Variants in TEX11 observed in about 807,000 individuals in gnomAD.
TEX11 encodes the protein testis expressed 11.
TEX11 carries 7 observed loss-of-function variants against 84.4 expected under a neutral mutation model. The observed-to-expected ratio is 0.08, with a 90% CI of 0.05 to 0.16. The LOEUF (loss-of-function observed/expected upper bound fraction) is 0.16. TEX11 is among the 10% of genes least tolerant of loss of function. TEX11 has a pLI of 1.00. For missense variants in TEX11, 551 were observed against 660.5 expected, an observed-to-expected ratio of 0.83 and a Z score of 1.82; for synonymous variants, 264 against 222.8, an observed-to-expected ratio of 1.18 and a Z score of -1.64.
chrX:70,757,204 T>C (rs1450012768), intron 9 of TEX11, among the ~76,000 whole-genome samples: 2 of 111,548 alleles, frequency 1.8e-5, no homozygotes, highest in Non-Finnish European at 3.8e-5. Flanking sequence ...CTTCAGGATA[T>C]TATCCAGGAG....
chrX:70,851,846 C>T (rs910327235), intron 7 of TEX11, among the ~76,000 whole-genome samples: 2 of 111,442 alleles, frequency 1.8e-5, no homozygotes, highest in African/African-American at 6.5e-5. Context: ...ACCCTGAAAA[C>T]AATTATGCTA....
At chrX:70,712,193 C>T (rs1438124350) in intron 13 of TEX11, among the ~76,000 whole-genome samples, 1 of 111,326 alleles carries the variant, frequency 9.0e-6, no homozygotes, top group African/African-American at 3.3e-5. Flanking sequence ...GTTACTGTAG[C>T]CTTGTAGTAT....
intron 4 of TEX11, 63 bp from the exon 5 acceptor site, chrX:70,860,999 A>C: frequency 1.3e-6 from 1 of 755,809 alleles, no homozygotes; most frequent in Non-Finnish European, 1.9e-6. Flanking sequence ...ATATACACCA[A>C]AGAGAAAAGA....
intron 24 of TEX11, among the ~76,000 whole-genome samples, chrX:70,599,835 C>A (rs1409715291): frequency 9.3e-6 from 1 of 107,700 alleles, no homozygotes; most frequent in South Asian, 4.3e-4. Context: ...CATGTCCCTA[C>A]AAAGGACATG....
chrX:70,680,207 G>A (rs866463772), intron 14 of TEX11, among the ~76,000 whole-genome samples: 14 of 90,318 alleles, frequency 1.6e-4, no homozygotes, highest in African/African-American at 5.4e-4. Flanking sequence ...AGAGGTAGAC[G>A]TGGGAGACTT....
At position 70,759,968 on chromosome X, in the gene TEX11, G is replaced by T. The variant is rs773983330; in HGVS notation, c.693-15749C>A. On this transcript the variant is annotated intron_variant, in intron 9 of 29. Coordinates refer to ENST00000374333, the MANE Select transcript of TEX11 (RefSeq NM_031276.3). ...AATCACAAGCATTCTTATACACCAAGTACAGACAAACAGAGAGCCAAATCA... is the reference window on the plus strand; with the variant it reads ...AATCACAAGCATTCTTATACACCAATTACAGACAAACAGAGAGCCAAATCA... Among the ~76,000 whole-genome samples the T allele has an allele frequency of 2.7e-3, 301 of 111,057 alleles. 1 individual carries two copies. The highest frequency in any genetic ancestry group is 9.3e-3 in the African/African-American group (284 of 30,598).
intron 7 of TEX11, among the ~76,000 whole-genome samples, chrX:70,839,045 G>A (rs2091424252): frequency 8.9e-6 from 1 of 112,796 alleles, no homozygotes; most frequent in Non-Finnish European, 1.9e-5. Context: ...GCCTGCCTCT[G>A]TAGGCTCCAC....
intron 25 of TEX11, among the ~76,000 whole-genome samples, chrX:70,557,425 G>A (rs1403238117): frequency 9.3e-6 from 1 of 107,231 alleles, no homozygotes; most frequent in African/African-American, 3.4e-5. Flanking sequence ...AGCTGACATC[G>A]CACCACTGCA....
intron 4 of TEX11, among the ~76,000 whole-genome samples, chrX:70,868,725 C>T (rs774652162): frequency 1.2e-4 from 13 of 110,894 alleles, no homozygotes; most frequent in Admixed American, 6.8e-4. Context: ...ATGTCCTTTG[C>T]GGGGACATGG....
chrX:70,672,046 A>C, intron 15 of TEX11, among the ~76,000 whole-genome samples: 1 of 107,987 alleles, frequency 9.3e-6, no homozygotes, highest in Non-Finnish European at 1.9e-5. Flanking sequence ...TGTGCTTTCT[A>C]TAACTTTCTA....
intron 9 of TEX11, among the ~76,000 whole-genome samples, chrX:70,773,864 G>A (rs2090985577): frequency 9.0e-6 from 1 of 111,435 alleles, no homozygotes; most frequent in East Asian, 2.8e-4. Flanking sequence ...AGGAGACGGA[G>A]GTGAGGCAGC....
chrX:70,879,473 G>C (rs1192778943), intron 3 of TEX11, among the ~76,000 whole-genome samples: 1 of 110,725 alleles, frequency 9.0e-6, no homozygotes, highest in Admixed American at 9.7e-5. Flanking sequence ...AGTGTTTCAA[G>C]CCTCAAGACA....
chrX:70,669,349 TA>T (rs1013444523), intron 16 of TEX11, among the ~76,000 whole-genome samples: 8 of 111,971 alleles, frequency 7.1e-5, no homozygotes, highest in African/African-American at 2.6e-4. Context: ...CCTTCTTTAT[TA>T]GTCTTTAAGT....
chrX:70,590,023 G>T (rs1486747968), intron 25 of TEX11, among the ~76,000 whole-genome samples: 1 of 111,901 alleles, frequency 8.9e-6, no homozygotes, highest in Non-Finnish European at 1.9e-5. Context: ...AGACGATGTT[G>T]TCTGTTTTAT....
At chrX:70,640,278 C>A in intron 17 of TEX11, among the ~76,000 whole-genome samples, 1 of 106,863 alleles carries the variant, frequency 9.4e-6, no homozygotes, top group Non-Finnish European at 1.9e-5. Context: ...GTGAAAAGAC[C>A]AAATCTATGT....
chrX:70,634,456 C>G (rs1407607504), intron 17 of TEX11, among the ~76,000 whole-genome samples: 2 of 111,655 alleles, frequency 1.8e-5, no homozygotes, highest in Admixed American at 1.9e-4. Context: ...CATAGCTACA[C>G]TAATAAAGAC....
chrX:70,522,436 G>T, the TEX11 span, among the ~76,000 whole-genome samples: 1 of 112,296 alleles, frequency 8.9e-6, no homozygotes, highest in African/African-American at 3.2e-5. Flanking sequence ...CAAAAGGGTT[G>T]AAAGGCTCTT....
rs1167948665 is a variant in TEX11 at position 70,601,531 on chromosome X, A to ACTC, written c.2067+3869_2067+3870insGAG. On this transcript the variant is annotated intron_variant, in intron 24 of 29. Transcript: ENST00000374333. ...TAACTCATTTTATGAGGCCAGCATC[A>ACTC]TTCTTTTTTTTTTTTTTTTTTTTTA... is the stretch of plus-strand genomic sequence containing the variant. Among the ~76,000 whole-genome samples, 194 of 37,999 alleles carry ACTC rather than the reference A, an allele frequency of 5.1e-3. 1 individual carries two copies. Among genetic ancestry groups the ACTC allele is most frequent in the Non-Finnish European group, 7.6e-3 (163 of 21,502 alleles). 33.0% of individuals were successfully genotyped at this position (37,999 alleles called of 115,157 possible). A position where few individuals can be genotyped will look rare whatever the true frequency, so the allele number is the denominator to read the frequency against.
intron 20 of TEX11, among the ~76,000 whole-genome samples, chrX:70,611,082 T>C: frequency 8.9e-6 from 1 of 111,866 alleles, no homozygotes; most frequent in Non-Finnish European, 1.9e-5. Context: ...TACAGACACA[T>C]CATTTTACAG....
Sources: gnomAD v4.1 joint callset for allele counts (sites outside exome capture counted in the v4.1 genomes callset) on GRCh38, gnomAD v4.1.1 for gene constraint, MANE v1.5 for transcripts, NCBI Gene and HGNC (gene_info 2026-07-23, HGNC 2026-07-21) for gene names.